Variants in MEGF9 observed in about 807,000 individuals in gnomAD.
MEGF9 encodes multiple EGF like domains 9, also known as multiple epidermal growth factor-like domains protein 9.
MEGF9 carries 6 observed loss-of-function variants against 46.8 expected under a neutral mutation model. That is an observed-to-expected ratio of 0.13 (90% CI 0.07 to 0.25). The LOEUF (loss-of-function observed/expected upper bound fraction) is 0.25. Among genes scored for constraint, MEGF9 ranks in the 10% least tolerant of loss-of-function variants. MEGF9 has a pLI of 1.00. For missense variants in MEGF9, 683 were observed against 792.4 expected, an observed-to-expected ratio of 0.86 and a Z score of 1.66; for synonymous variants, 302 against 330.7, an observed-to-expected ratio of 0.91 and a Z score of 0.94.
intron 2 of MEGF9, among the ~76,000 whole-genome samples, chr9:120,645,864 C>T (rs943941241): frequency 6.6e-6 from 1 of 152,144 alleles, no homozygotes; most frequent in African/African-American, 2.4e-5. Flanking sequence ...CTGCTTGACA[C>T]TCAGCAGCAA....
Position 120,603,748 on chromosome 9 carries a change from T to C in MEGF9, c.*1442A>G, listed in dbSNP as rs1001525109. On this transcript the variant is annotated 3_prime_UTR_variant, in exon 6 of 6. Coordinates refer to ENST00000373930, the MANE Select transcript of MEGF9 (RefSeq NM_001080497.3). ...AAAAACTCCATCAAAAAGCAAGAAC[T>C]AACTAGACACACCCATCTACAAAGC... 6.6e-6 allele frequency: 1 copy of C among 152,428 alleles called. No individual in the cohort carries two copies. The allele number at this position is 152,428 out of a possible 1,614,324, so 9.4% of individuals were successfully genotyped here.
At chr9:120,646,743 C>A (rs1408696639) in intron 2 of MEGF9, among the ~76,000 whole-genome samples, 1 of 152,064 alleles carries the variant, frequency 6.6e-6, no homozygotes, top group African/African-American at 2.4e-5. Flanking sequence ...TTGAATGAGA[C>A]CCATTATCTT....
chr9:120,699,166 T>C (rs762771251), intron 1 of MEGF9, among the ~76,000 whole-genome samples: 60 of 152,180 alleles, frequency 3.9e-4, no homozygotes, highest in Non-Finnish European at 7.2e-4. Context: ...ATAAATAATT[T>C]AAATGTGGTG....
At chr9:120,690,026 A>G (rs558019268) in intron 1 of MEGF9, 2 of 513,064 alleles carry the variant, frequency 3.9e-6, no homozygotes, top group Non-Finnish European at 8.0e-6. Context: ...AATGAGGGTA[A>G]TGTGGCAAAT....
intron 2 of MEGF9, among the ~76,000 whole-genome samples, chr9:120,624,872 C>CAAA (rs35120272): frequency 9.6e-6 from 1 of 104,128 alleles, no homozygotes; most frequent in Non-Finnish European, 2.0e-5. Flanking sequence ...GACTCCGTCT[C>CAAA]AAAAAAAAAA....
At chr9:120,633,972 A>C (rs890450362) in intron 2 of MEGF9, among the ~76,000 whole-genome samples, 1 of 152,210 alleles carries the variant, frequency 6.6e-6, no homozygotes, top group Non-Finnish European at 1.5e-5. Context: ...AATTCTTTTA[A>C]ATTTGTTAAG....
intron 1 of MEGF9, among the ~76,000 whole-genome samples, chr9:120,690,513 G>A (rs1483268452): frequency 1.3e-5 from 2 of 152,160 alleles, no homozygotes; most frequent in East Asian, 3.8e-4. Flanking sequence ...GTTTGGCAAT[G>A]CTTGGGGCAG....
At chr9:120,616,522 A>G (rs961150371) in intron 3 of MEGF9, among the ~76,000 whole-genome samples, 8 of 151,938 alleles carry the variant, frequency 5.3e-5, no homozygotes, top group African/African-American at 1.9e-4. Context: ...TACTAAAAAT[A>G]TAAAAAATTA....
intron 2 of MEGF9, among the ~76,000 whole-genome samples, chr9:120,641,550 GCCA>G (rs1259024403): frequency 1.3e-5 from 2 of 152,192 alleles, no homozygotes; most frequent in Non-Finnish European, 2.9e-5. Flanking sequence ...CACACTCAGA[GCCA>G]CCAACATAGA....
At position 120,612,558 on chromosome 9, in the gene MEGF9, T is replaced by A; in HGVS notation, c.944-19A>T. On this transcript the variant is annotated intron_variant, in intron 3 of 5. Coordinates refer to ENST00000373930, the MANE Select transcript of MEGF9 (RefSeq NM_001080497.3). Reference sequence around the variant, plus strand: ...CAAGCACCTAAAAGAAGCAAATTATTTTTAAAAGTTAAAGATTTACCTTGA... The same window carrying A: ...CAAGCACCTAAAAGAAGCAAATTATATTTAAAAGTTAAAGATTTACCTTGA... 1 of 1,590,278 alleles carries A rather than the reference T, an allele frequency of 6.3e-7. No individual in the cohort carries two copies. The highest frequency in any genetic ancestry group is 8.5e-7 in the Non-Finnish European group (1 of 1,170,428).
At position 120,604,230 on chromosome 9, in the gene MEGF9, T is replaced by C. The variant is rs909188819; in HGVS notation, c.*960A>G. ...AAAGAAAGAAACATTCGACCTCTTA[T>C]AAATTTCAGCAATGTCCTCAAGAAG... On this transcript the variant is annotated 3_prime_UTR_variant, in exon 6 of 6. Transcript: ENST00000373930. 63 of 152,460 alleles carry C rather than the reference T, an allele frequency of 4.1e-4. No homozygotes were observed. The highest frequency in any genetic ancestry group is 3.9e-3 in the Admixed American group (59 of 15,280). 9.4% of individuals were successfully genotyped at this position (152,460 alleles called of 1,614,324 possible).
chr9:120,657,734 T>C (rs1021157207), intron 2 of MEGF9, among the ~76,000 whole-genome samples: 2 of 152,136 alleles, frequency 1.3e-5, no homozygotes, highest in South Asian at 4.1e-4. Flanking sequence ...TCTCAAAGAA[T>C]AGAGTGATTA....
intron 4 of MEGF9, among the ~76,000 whole-genome samples, chr9:120,611,836 G>A (rs953592888): frequency 7.9e-6 from 1 of 127,228 alleles, no homozygotes; most frequent in Admixed American, 8.3e-5. Context: ...AGAAAGAAAG[G>A]AAGGAAGGAA....
intron 2 of MEGF9, among the ~76,000 whole-genome samples, chr9:120,649,449 G>A (rs2043639750): frequency 6.6e-6 from 1 of 152,172 alleles, no homozygotes; most frequent in African/African-American, 2.4e-5. Flanking sequence ...CAGGCTAACT[G>A]GCAAGTTGAG....
intron 1 of MEGF9, among the ~76,000 whole-genome samples, chr9:120,674,464 C>CA (rs371711646): frequency 9.8e-4 from 149 of 152,222 alleles, no homozygotes; most frequent in African/African-American, 3.4e-3. Flanking sequence ...TGGCAAATTT[C>CA]AAAAAACTGT....
chr9:120,611,832 A>AAAGG (rs200715578), intron 4 of MEGF9, among the ~76,000 whole-genome samples: 4,552 of 139,176 alleles, frequency 0.033, 243 homozygotes, highest in East Asian at 0.26. Context: ...GAAAAGAAAG[A>AAAGG]AAGGAAGGAA....
intron 1 of MEGF9, among the ~76,000 whole-genome samples, chr9:120,697,378 C>CA (rs1468758907): frequency 6.6e-6 from 1 of 152,088 alleles, no homozygotes; most frequent in Non-Finnish European, 1.5e-5. Context: ...CTACCGCGCC[C>CA]AGTCTATTCT....
intron 2 of MEGF9, among the ~76,000 whole-genome samples, chr9:120,651,439 T>C (rs2043648898): frequency 6.6e-6 from 1 of 152,238 alleles, no homozygotes; most frequent in Non-Finnish European, 1.5e-5. Flanking sequence ...TTTTACTTAC[T>C]GGCAGTTATG....
chr9:120,706,508 A>G (rs1316174248), intron 1 of MEGF9, among the ~76,000 whole-genome samples: 2 of 152,234 alleles, frequency 1.3e-5, no homozygotes, highest in African/African-American at 2.4e-5. Flanking sequence ...CTATAATTTA[A>G]TATAACAATT....
Sources: gnomAD v4.1 joint callset for allele counts (sites outside exome capture counted in the v4.1 genomes callset) on GRCh38, gnomAD v4.1.1 for gene constraint, MANE v1.5 for transcripts, NCBI Gene and HGNC (gene_info 2026-07-23, HGNC 2026-07-21) for gene names.